Variants in NDUFS4 observed in about 807,000 individuals in gnomAD.
NDUFS4 encodes the protein NADH:ubiquinone oxidoreductase subunit S4.
In NDUFS4, 28 loss-of-function variants were observed where a neutral mutation model predicts 24.3. The observed-to-expected ratio is 1.15, with a 90% CI of 0.85 to 1.58. The LOEUF is 1.58. Among genes scored for constraint, NDUFS4 ranks in the 40% most tolerant of loss-of-function variants. NDUFS4 has a pLI of 0.00. For synonymous variants in NDUFS4, 93 were observed against 69.7 expected, an observed-to-expected ratio of 1.34 and a Z score of -1.67; for missense variants, 223 against 207.9, an observed-to-expected ratio of 1.07 and a Z score of -0.45.
intron 1 of NDUFS4, among the ~76,000 whole-genome samples, chr5:53,561,662 G>A (rs1234497098): frequency 6.6e-6 from 1 of 152,134 alleles, no homozygotes; most frequent in African/African-American, 2.4e-5. Flanking sequence ...TTTGAAGGGG[G>A]TAGGAGGTGG....
intron 1 of NDUFS4, among the ~76,000 whole-genome samples, chr5:53,563,853 C>T (rs996115223): frequency 1.3e-5 from 2 of 152,122 alleles, no homozygotes; most frequent in African/African-American, 4.8e-5. Context: ...AAGAGATTTT[C>T]CAGGGTAAAT....
intron 3 of NDUFS4, among the ~76,000 whole-genome samples, chr5:53,653,476 T>A (rs950273085): frequency 4.6e-5 from 7 of 152,196 alleles, no homozygotes; most frequent in African/African-American, 1.7e-4. Context: ...TCAGTTTTTT[T>A]AATTGAATTT....
chr5:53,569,303 T>C (rs547288802), intron 1 of NDUFS4, among the ~76,000 whole-genome samples: 2 of 152,292 alleles, frequency 1.3e-5, no homozygotes, highest in African/African-American at 4.8e-5. Flanking sequence ...AAAATACATT[T>C]CATAATATGG....
At chr5:53,619,306 T>A (rs75215175) in intron 2 of NDUFS4, among the ~76,000 whole-genome samples, 87 of 72,360 alleles carry the variant, frequency 1.2e-3, no homozygotes, top group East Asian at 5.4e-3. Flanking sequence ...GCTAAAAATT[T>A]AAAAAAAAAA....
At chr5:53,588,029 G>A (rs1430386376) in intron 1 of NDUFS4, among the ~76,000 whole-genome samples, 1 of 152,134 alleles carries the variant, frequency 6.6e-6, no homozygotes, top group Non-Finnish European at 1.5e-5. Context: ...ATTAATAAGT[G>A]ATTGTTGTAC....
intron 4 of NDUFS4, among the ~76,000 whole-genome samples, chr5:53,674,715 A>T (rs1200495279): frequency 6.6e-6 from 1 of 152,162 alleles, no homozygotes; most frequent in African/African-American, 2.4e-5. Context: ...ACAAAACATA[A>T]TTATTGTTGA....
intron 2 of NDUFS4, among the ~76,000 whole-genome samples, chr5:53,606,428 C>T (rs2406917): frequency 5.9e-5 from 9 of 151,990 alleles, no homozygotes; most frequent in South Asian, 2.1e-4. Flanking sequence ...AGTGCAGCGG[C>T]GCGATCTCGG....
intron 4 of NDUFS4, among the ~76,000 whole-genome samples, chr5:53,667,037 G>T (rs909612847): frequency 1.3e-5 from 2 of 152,154 alleles, no homozygotes; most frequent in Non-Finnish European, 2.9e-5. Flanking sequence ...TTCCACTCTT[G>T]ATTTCGGTAT....
intron 1 of NDUFS4, among the ~76,000 whole-genome samples, chr5:53,590,725 G>A (rs1242747048): frequency 3.3e-5 from 5 of 152,134 alleles, no homozygotes; most frequent in African/African-American, 9.7e-5. Flanking sequence ...TTGTAAACCA[G>A]GGATTATCTG....
chr5:53,617,362 T>A (rs1750872898), intron 2 of NDUFS4, among the ~76,000 whole-genome samples: 2 of 152,300 alleles, frequency 1.3e-5, no homozygotes, highest in Admixed American at 6.5e-5. Flanking sequence ...TTGCTGACTA[T>A]GTAGCTGTAG....
intron 4 of NDUFS4, among the ~76,000 whole-genome samples, chr5:53,682,807 A>G (rs1740711406): frequency 6.6e-6 from 1 of 152,150 alleles, no homozygotes; most frequent in Admixed American, 6.6e-5. Flanking sequence ...GTTAAACCAC[A>G]TAGAGTAATG....
At chr5:53,600,440 C>T (rs919743843) in intron 1 of NDUFS4, among the ~76,000 whole-genome samples, 3 of 152,112 alleles carry the variant, frequency 2.0e-5, no homozygotes, top group Non-Finnish European at 4.4e-5. Flanking sequence ...TCCTGAGTAG[C>T]TGGGACTACA....
At chr5:53,582,597 G>A (rs749651715) in intron 1 of NDUFS4, among the ~76,000 whole-genome samples, 10 of 152,168 alleles carry the variant, frequency 6.6e-5, no homozygotes, top group East Asian at 3.8e-4. Context: ...AATTAATTTC[G>A]TTTTTTCTTT....
intron 1 of NDUFS4, among the ~76,000 whole-genome samples, chr5:53,602,315 G>A (rs1226816995): frequency 6.6e-6 from 1 of 152,088 alleles, no homozygotes; most frequent in Non-Finnish European, 1.5e-5. Flanking sequence ...ATCATCTAGA[G>A]TTATTTCCAT....
chr5:53,581,038 G>C (rs1403705192), intron 1 of NDUFS4, among the ~76,000 whole-genome samples: 1 of 152,018 alleles, frequency 6.6e-6, no homozygotes, highest in East Asian at 1.9e-4. Flanking sequence ...TCTCCATGTT[G>C]GTCTGGCTGG....
At chr5:53,680,489 A>G (rs1350159723) in intron 4 of NDUFS4, among the ~76,000 whole-genome samples, 1 of 152,216 alleles carries the variant, frequency 6.6e-6, no homozygotes, top group Admixed American at 6.5e-5. Flanking sequence ...TGGCACATAT[A>G]CACCATGGAA....
rs146247860 is a variant in NDUFS4 at position 53,683,209 on chromosome 5, A to G, written c.516A>G (p.Val172=). The G allele has an allele frequency of 3.9e-5, 63 of 1,607,094 alleles. 1 individual carries two copies. In the African/African-American group the frequency reaches 8.2e-4, roughly 21 times the overall value. Reference sequence around the variant, plus strand: ...TTTCTTGGAACAAAAGAACAAGAGTATCCACAAAATAGGTTGGCACTGACT... The same window carrying G: ...TTTCTTGGAACAAAAGAACAAGAGTGTCCACAAAATAGGTTGGCACTGACT... ...ANFSWNKRTR[V]STK Residue 172 remains valine (V), a synonymous_variant, in exon 5 of 5, where the codon GTA becomes GTG. Transcript: ENST00000296684.
At chr5:53,682,544 G>C (rs1740700985) in intron 4 of NDUFS4, among the ~76,000 whole-genome samples, 1 of 151,086 alleles carries the variant, frequency 6.6e-6, no homozygotes, top group Non-Finnish European at 1.5e-5. Context: ...TGAAATAAAT[G>C]TTGAAAATCA....
chr5:53,611,129 T>A (rs1023643967), intron 2 of NDUFS4, among the ~76,000 whole-genome samples: 7 of 152,000 alleles, frequency 4.6e-5, no homozygotes, highest in African/African-American at 1.7e-4. Flanking sequence ...TTCTATACAG[T>A]ATACAATAAA....
Sources: gnomAD v4.1 joint callset for allele counts (sites outside exome capture counted in the v4.1 genomes callset) on GRCh38, gnomAD v4.1.1 for gene constraint, MANE v1.5 for transcripts, NCBI Gene and HGNC (gene_info 2026-07-23, HGNC 2026-07-21) for gene names.